Variants in CMPK1 observed in about 807,000 individuals in gnomAD.
CMPK1 encodes cytidine/uridine monophosphate kinase 1, also known as UMP-CMP kinase.
CMPK1 carries 10 observed loss-of-function variants against 25.7 expected under a neutral mutation model. The ratio of observed to expected loss-of-function variants is 0.39; its 90% CI spans 0.24 to 0.66. CMPK1 has a LOEUF of 0.66. CMPK1 is among the 30% of genes least tolerant of loss of function. CMPK1 has a pLI of 0.48. For synonymous variants in CMPK1, 106 were observed against 101.5 expected, an observed-to-expected ratio of 1.04 and a Z score of -0.27; for missense variants, 199 against 280.5, an observed-to-expected ratio of 0.71 and a Z score of 2.08.
intron 1 of CMPK1, among the ~76,000 whole-genome samples, chr1:47,354,807 G>A (rs1570364829): frequency 6.6e-6 from 1 of 152,060 alleles, no homozygotes; most frequent in South Asian, 2.1e-4. Context: ...TTGTGCACAT[G>A]TGCAACAGTG....
rs950558435 is a variant in CMPK1, at chr1:47,335,888, G to A, written c.171+1772G>A. On this transcript the variant is annotated intron_variant, in intron 1 of 5. Coordinates refer to ENST00000371873, the MANE Select transcript of CMPK1 (RefSeq NM_016308.3). ...AAGCGATTTTCCTGCCTCAGCCTCT[G>A]CATAGCTGGGATTACAGGCGTGCGC... 4.0e-5 allele frequency among the ~76,000 whole-genome samples: 6 copies of A among 151,804 alleles called. No homozygotes were observed. In the East Asian group the frequency reaches 1.2e-3, roughly 30 times the overall value.
In CMPK1 at chr1:47,376,961, C is replaced by T; in HGVS notation, c.*216C>T. ...GTTTAACTTCACCTTAGTTATGGTG[C>T]TCACCAAACGAAGGGTATCAGCTAT... On this transcript the variant is annotated 3_prime_UTR_variant, in exon 6 of 6. Transcript: ENST00000371873. 2.5e-6 allele frequency: 1 copy of T among 393,444 alleles called. No individual in the cohort carries two copies. Among genetic ancestry groups the T allele is most frequent in the Non-Finnish European group, 4.5e-6 (1 of 220,004 alleles). 24.4% of individuals were successfully genotyped at this position (393,444 alleles called of 1,614,324 possible).
chr1:47,346,570 C>T, intron 1 of CMPK1, among the ~76,000 whole-genome samples: 1 of 151,686 alleles, frequency 6.6e-6, no homozygotes, highest in East Asian at 1.9e-4. Flanking sequence ...ATGGTGCGAT[C>T]TCAACTCACT....
At chr1:47,359,022 TAAGA>T in intron 1 of CMPK1, 1 of 917,522 alleles carries the variant, frequency 1.1e-6, no homozygotes, top group South Asian at 5.0e-5. Context: ...CTTTTTATAA[TAAGA>T]AAGAAGTACA....
chr1:47,357,129 A>G (rs1284313175), intron 1 of CMPK1, among the ~76,000 whole-genome samples: 2 of 150,728 alleles, frequency 1.3e-5, no homozygotes, highest in East Asian at 4.0e-4. Context: ...ACACCTGGCT[A>G]ATTTTTTGTA....
intron 1 of CMPK1, among the ~76,000 whole-genome samples, chr1:47,345,883 G>A (rs777085704): frequency 6.6e-6 from 1 of 151,684 alleles, no homozygotes; most frequent in Non-Finnish European, 1.5e-5. Context: ...AGCCTCCTAA[G>A]CAGTTGGGAT....
At position 47,335,908 on chromosome 1, in the gene CMPK1, G is replaced by A. The variant is rs577771130; in HGVS notation, c.171+1792G>A. On this transcript the variant is annotated intron_variant, in intron 1 of 5. Transcript: ENST00000371873. Reference sequence around the variant, plus strand: ...CCTCTGCATAGCTGGGATTACAGGCGTGCGCCACCACGCCTGGCTAATTTT... The same window carrying A: ...CCTCTGCATAGCTGGGATTACAGGCATGCGCCACCACGCCTGGCTAATTTT... 1.2e-3 allele frequency among the ~76,000 whole-genome samples: 177 copies of A among 151,844 alleles called. 1 individual carries two copies. Among genetic ancestry groups the A allele is most frequent in the African/African-American group, 4.1e-3 (170 of 41,456 alleles).
chr1:47,345,024 C>G (rs560996055), intron 1 of CMPK1, among the ~76,000 whole-genome samples: 1 of 152,114 alleles, frequency 6.6e-6, no homozygotes, highest in South Asian at 2.1e-4. Context: ...TCACGCGATT[C>G]TCCTGCCTCA....
rs1646579557 is a variant in CMPK1 at position 47,358,582 on chromosome 1, A to G, written c.172-9887A>G. 3.0e-6 allele frequency: 3 copies of G among 998,420 alleles called. No individual in the cohort carries two copies. The South Asian group carries it at 1.2e-4, about 40-fold the overall frequency. The allele number at this position is 998,420 out of a possible 1,614,324, so 61.8% of individuals were successfully genotyped here. A position where few individuals can be genotyped will look rare whatever the true frequency, so the allele number is the denominator to read the frequency against. On this transcript the variant is annotated intron_variant, in intron 1 of 5. Coordinates refer to ENST00000371873, the MANE Select transcript of CMPK1 (RefSeq NM_016308.3). ...AGATCTAAGAAAGATTAAACAAATT[A>G]CCCACTGTCACACTGGGTTGTGACA...
intron 1 of CMPK1, among the ~76,000 whole-genome samples, chr1:47,359,312 A>G (rs1021420696): frequency 2.0e-5 from 3 of 151,276 alleles, no homozygotes; most frequent in African/African-American, 7.3e-5. Context: ...GGGAGACTCC[A>G]TCTCTAAAAA....
Position 47,369,532 on chromosome 1 carries a change from C to T in CMPK1, c.318+917C>T, listed in dbSNP as rs543711738. 4.6e-5 allele frequency among the ~76,000 whole-genome samples: 7 copies of T among 152,242 alleles called. No homozygotes were observed. In the South Asian group the frequency reaches 1.0e-3, roughly 23 times the overall value. ...TTCTGTTTCATCTTTTTTCCTCCCT[C>T]TCCTGCTCCCTTTCCTTTTTTCTTT... is the stretch of plus-strand genomic sequence containing the variant. On this transcript the variant is annotated intron_variant, in intron 2 of 5. Transcript: ENST00000371873.
intron 1 of CMPK1, among the ~76,000 whole-genome samples, chr1:47,356,548 C>CA (rs1381481203): frequency 6.6e-6 from 1 of 151,900 alleles, no homozygotes; most frequent in Non-Finnish European, 1.5e-5. Flanking sequence ...TAAAACAAAC[C>CA]AAAAAGACAA....
intron 1 of CMPK1, among the ~76,000 whole-genome samples, chr1:47,357,113 G>A (rs1458099192): frequency 6.6e-6 from 1 of 151,776 alleles, no homozygotes; most frequent in Non-Finnish European, 1.5e-5. Context: ...ACAGGCACCC[G>A]CCACCACACC....
chr1:47,371,299 T>C (rs1375293608), intron 2 of CMPK1, among the ~76,000 whole-genome samples: 1 of 152,196 alleles, frequency 6.6e-6, no homozygotes, highest in East Asian at 1.9e-4. Context: ...CTAATGTCCT[T>C]TCTCTGCTCT....
chr1:47,373,653 T>C (rs1646690489), intron 3 of CMPK1, among the ~76,000 whole-genome samples: 1 of 151,936 alleles, frequency 6.6e-6, no homozygotes. Context: ...AAAATTAGCC[T>C]GGCATGGTGG....
At chr1:47,360,586 T>A (rs544256188) in intron 1 of CMPK1, among the ~76,000 whole-genome samples, 7 of 152,360 alleles carry the variant, frequency 4.6e-5, no homozygotes, top group African/African-American at 1.4e-4. Context: ...ATAAAGACTT[T>A]AAGTTATGCA....
chr1:47,357,742 C>A (rs11211522), intron 1 of CMPK1, among the ~76,000 whole-genome samples: 39,037 of 151,764 alleles, frequency 0.26, 6,207 homozygotes, highest in East Asian at 0.54. Context: ...GCCTCAGCCT[C>A]CCAAAGTGCT....
chr1:47,354,505 G>A (rs1281975921), intron 1 of CMPK1, among the ~76,000 whole-genome samples: 3 of 150,890 alleles, frequency 2.0e-5, no homozygotes, highest in East Asian at 1.9e-4. Flanking sequence ...CACTTGTCAG[G>A]TTTTTGCGTG....
chr1:47,348,712 A>G (rs1646502153), intron 1 of CMPK1, among the ~76,000 whole-genome samples: 1 of 152,208 alleles, frequency 6.6e-6, no homozygotes, highest in Non-Finnish European at 1.5e-5. Flanking sequence ...GGGCTACACA[A>G]AAGTCTGTTT....
Sources: gnomAD v4.1 joint callset for allele counts (sites outside exome capture counted in the v4.1 genomes callset) on GRCh38, gnomAD v4.1.1 for gene constraint, MANE v1.5 for transcripts, NCBI Gene and HGNC (gene_info 2026-07-23, HGNC 2026-07-21) for gene names.